GRIN2B: variants seen among roughly 807,000 people sequenced by gnomAD.
GRIN2B encodes the protein glutamate receptor ionotropic, NMDA 2B.
Under a neutral mutation model 114.5 loss-of-function variants are expected in GRIN2B, and 5 were observed. That is an observed-to-expected ratio of 0.04 (90% CI 0.02 to 0.09). GRIN2B has a LOEUF of 0.09. GRIN2B is among the 10% of genes least tolerant of loss of function. The pLI, the probability that GRIN2B is intolerant of heterozygous loss-of-function variation, is 1.00. For missense variants in GRIN2B, 1,108 were observed against 1,943.5 expected, an observed-to-expected ratio of 0.57 and a Z score of 8.08; for synonymous variants, 787 against 745.1, an observed-to-expected ratio of 1.06 and a Z score of -0.92.
chr12:13,932,247 T>A (rs935356588), intron 2 of GRIN2B, among the ~76,000 whole-genome samples: 2 of 152,222 alleles, frequency 1.3e-5, no homozygotes, highest in Non-Finnish European at 2.9e-5. Context: ...AGTGGCCCAC[T>A]CTCTTTGATC....
chr12:13,747,217 T>C (rs1013556344), intron 4 of GRIN2B, among the ~76,000 whole-genome samples: 3 of 152,186 alleles, frequency 2.0e-5, no homozygotes, highest in African/African-American at 7.2e-5. Flanking sequence ...GAAAGAATAC[T>C]GTAGGGGGTC....
Position 13,655,485 on chromosome 12 carries a change from A to T in GRIN2B, c.1125+20260T>A, listed in dbSNP as rs546837279. Among the ~76,000 whole-genome samples the T allele has an allele frequency of 1.6e-4, 25 of 152,300 alleles. 1 individual carries two copies. The East Asian group carries it at 4.1e-3, about 25-fold the overall frequency. ...TTAGGACACTTAGAAGCTACTGCAGATTAATCCCCACTGCATCCTCAATAG... is the reference window on the plus strand; with the variant it reads ...TTAGGACACTTAGAAGCTACTGCAGTTTAATCCCCACTGCATCCTCAATAG... On this transcript the variant is annotated intron_variant, in intron 5 of 13. Coordinates refer to ENST00000609686, the MANE Select transcript of GRIN2B (RefSeq NM_000834.5).
At chr12:13,621,514 CT>C (rs1232941860) in intron 5 of GRIN2B, among the ~76,000 whole-genome samples, 2 of 148,514 alleles carry the variant, frequency 1.3e-5, no homozygotes, top group Non-Finnish European at 3.0e-5. Flanking sequence ...CAACATCTGT[CT>C]ACAAAAAATT....
chr12:13,834,094 A>C (rs1170282007), intron 3 of GRIN2B, among the ~76,000 whole-genome samples: 1 of 128,922 alleles, frequency 7.8e-6, no homozygotes, highest in Non-Finnish European at 1.5e-5. Context: ...GCAGTGGTGC[A>C]ATCTTGGCTC....
rs532526908 is a variant in GRIN2B at position 13,966,731 on chromosome 12, C to T, written c.-19+13197G>A. ...AGTGGGTTGGAAACAGGGGAAGTCA[C>T]GATAATTAATATTTATACAATGCCT... On this transcript the variant is annotated intron_variant, in intron 2 of 13. Transcript: ENST00000609686. Among the ~76,000 whole-genome samples, 15 of 152,192 alleles carry T rather than the reference C, an allele frequency of 9.9e-5. No homozygotes were observed. The East Asian group carries it at 1.4e-3, about 14-fold the overall frequency.
chr12:13,788,171 C>A (rs1267250220), intron 3 of GRIN2B, among the ~76,000 whole-genome samples: 1 of 152,072 alleles, frequency 6.6e-6, no homozygotes, highest in Non-Finnish European at 1.5e-5. Flanking sequence ...AATTTTTCTC[C>A]CAAAGTCAGG....
At chr12:13,740,351 A>G (rs1452034522) in intron 4 of GRIN2B, among the ~76,000 whole-genome samples, 1 of 152,212 alleles carries the variant, frequency 6.6e-6, no homozygotes, top group African/African-American at 2.4e-5. Flanking sequence ...GGCATCCGGC[A>G]CAGGGTTCAG....
At chr12:13,696,678 C>T (rs571080430) in intron 4 of GRIN2B, among the ~76,000 whole-genome samples, 211 of 152,264 alleles carry the variant, frequency 1.4e-3, no homozygotes, top group Non-Finnish European at 2.1e-3. Flanking sequence ...CCTCTCATTA[C>T]GGCATCATAT....
At position 13,562,522 on chromosome 12, in the gene GRIN2B, G is replaced by T; in HGVS notation, c.*261C>A. On this transcript the variant is annotated 3_prime_UTR_variant, in exon 14 of 14. Transcript: ENST00000609686. ...CCGCTCTACCCTCCCCTGCTGAGAG[G>T]GCCCATGGCATCATCTCATGGGAAC... The T allele has an allele frequency of 2.0e-6, 1 of 507,544 alleles. No individual in the cohort carries two copies. The highest frequency in any genetic ancestry group is 1.9e-5 in the African/African-American group (1 of 52,406). 31.4% of individuals were successfully genotyped at this position (507,544 alleles called of 1,614,324 possible).
At position 13,548,812 on chromosome 12, in the gene GRIN2B, T is replaced by C. The variant is rs1336674467; in HGVS notation, c.*13971A>G. The C allele has an allele frequency of 3.3e-5, 5 of 152,040 alleles. No homozygotes were observed. The highest frequency in any genetic ancestry group is 1.2e-4 in the African/African-American group (5 of 41,402). The allele number at this position is 152,040 out of a possible 1,614,324, so 9.4% of individuals were successfully genotyped here. On this transcript the variant is annotated 3_prime_UTR_variant, in exon 14 of 14. Coordinates refer to ENST00000609686, the MANE Select transcript of GRIN2B (RefSeq NM_000834.5). ...GTCTAGTGCCCACCTCCTCCCCCCA[T>C]CTTCATGCATGGGAATAAAAGCTAC...
intron 2 of GRIN2B, among the ~76,000 whole-genome samples, chr12:13,898,378 G>T (rs1300283762): frequency 1.3e-5 from 2 of 152,248 alleles, no homozygotes; most frequent in African/African-American, 4.8e-5. Flanking sequence ...GCAGAGACAA[G>T]TTACTAGCCA....
chr12:13,782,670 T>C (rs1864140169), intron 3 of GRIN2B, among the ~76,000 whole-genome samples: 1 of 152,240 alleles, frequency 6.6e-6, no homozygotes, highest in African/African-American at 2.4e-5. Flanking sequence ...CTCTCACTAC[T>C]TTATAGTTCT....
At chr12:13,928,541 A>G (rs547038066) in intron 2 of GRIN2B, among the ~76,000 whole-genome samples, 14 of 152,352 alleles carry the variant, frequency 9.2e-5, no homozygotes, top group African/African-American at 3.4e-4. Flanking sequence ...ATATAAAAAC[A>G]GAACAGTTAT....
intron 2 of GRIN2B, among the ~76,000 whole-genome samples, chr12:13,926,222 C>A (rs1472365864): frequency 2.6e-5 from 4 of 152,246 alleles, no homozygotes; most frequent in Non-Finnish European, 4.4e-5. Flanking sequence ...TACTAGAATC[C>A]AGAATCTTTA....
At chr12:13,877,060 G>A (rs1213360836) in intron 2 of GRIN2B, among the ~76,000 whole-genome samples, 3 of 152,138 alleles carry the variant, frequency 2.0e-5, no homozygotes, top group African/African-American at 7.2e-5. Flanking sequence ...TCATTTCTAG[G>A]TCAATGTTGT....
At chr12:13,881,015 C>CGCGT (rs1315804190) in intron 2 of GRIN2B, among the ~76,000 whole-genome samples, 2 of 124,450 alleles carry the variant, frequency 1.6e-5, no homozygotes, top group Admixed American at 7.8e-5. Context: ...TGTGTGTGTG[C>CGCGT]GCGTGCGCGC....
chr12:13,690,392 CACAT>C (rs759536608), intron 4 of GRIN2B, among the ~76,000 whole-genome samples: 7 of 148,572 alleles, frequency 4.7e-5, no homozygotes, highest in Non-Finnish European at 9.0e-5. Context: ...CACACACACA[CACAT>C]GCAACTGGCA....
At chr12:13,944,790 T>G (rs1428787275) in intron 2 of GRIN2B, among the ~76,000 whole-genome samples, 1 of 152,060 alleles carries the variant, frequency 6.6e-6, no homozygotes, top group Non-Finnish European at 1.5e-5. Flanking sequence ...GGCTTTCACC[T>G]AATAAATCAA....
intron 2 of GRIN2B, among the ~76,000 whole-genome samples, chr12:13,881,009 TGTGTGCGC>T (rs1565573520): frequency 2.0e-5 from 3 of 151,560 alleles, no homozygotes. Context: ...TGTGTGTGTG[TGTGTGCGC>T]GTGCGCGCAC....
Sources: gnomAD v4.1 joint callset for allele counts (sites outside exome capture counted in the v4.1 genomes callset) on GRCh38, gnomAD v4.1.1 for gene constraint, MANE v1.5 for transcripts, NCBI Gene and HGNC (gene_info 2026-07-23, HGNC 2026-07-21) for gene names.